PRKG1: variants seen among roughly 807,000 people sequenced by gnomAD.
PRKG1 encodes protein kinase cGMP-dependent 1.
A neutral mutation model predicts 88.1 loss-of-function variants in PRKG1; 35 were observed. The ratio of observed to expected loss-of-function variants is 0.40; its 90% CI spans 0.30 to 0.53. The LOEUF (loss-of-function observed/expected upper bound fraction) is 0.53, where lower values mean the gene tolerates loss of function less well. Ranked by LOEUF, PRKG1 falls within the 20% of genes least tolerant of loss-of-function variation. The probability of loss-of-function intolerance (pLI) is 0.59; values close to 1 mark genes in which losing one functional copy is unlikely to be tolerated. For missense variants in PRKG1, 540 were observed against 839.8 expected, an observed-to-expected ratio of 0.64 and a Z score of 4.41; for synonymous variants, 303 against 292.5, an observed-to-expected ratio of 1.04 and a Z score of -0.37.
At chr10:51,447,598 A>G (rs1839312107) in intron 2 of PRKG1, among the ~76,000 whole-genome samples, 1 of 151,964 alleles carries the variant, frequency 6.6e-6, no homozygotes, top group Non-Finnish European at 1.5e-5. Flanking sequence ...ATTATTCCAC[A>G]ATACATTCAC....
chr10:51,122,579 C>T (rs951147399), intron 1 of PRKG1, among the ~76,000 whole-genome samples: 1 of 152,110 alleles, frequency 6.6e-6, no homozygotes, highest in African/African-American at 2.4e-5. Flanking sequence ...TATAAAAACC[C>T]AATTCATGTA....
chr10:52,288,891 G>A, intron 15 of PRKG1, 40 bp from the exon 16 acceptor site: 1 of 1,593,404 alleles, frequency 6.3e-7, no homozygotes, highest in Non-Finnish European at 8.6e-7. Flanking sequence ...ATCATAATGT[G>A]AAAAAATTAG....
intron 1 of PRKG1, among the ~76,000 whole-genome samples, chr10:51,076,177 G>T (rs958224215): frequency 6.6e-5 from 10 of 152,158 alleles, no homozygotes; most frequent in African/African-American, 2.2e-4. Flanking sequence ...ACCTATACAT[G>T]TTGATTCCCA....
chr10:51,321,077 A>T (rs1051560084), intron 2 of PRKG1, among the ~76,000 whole-genome samples: 2 of 151,414 alleles, frequency 1.3e-5, no homozygotes, highest in Non-Finnish European at 2.9e-5. Context: ...TTAAAAAAAA[A>T]TTTTGTTTAA....
At chr10:52,090,191 G>A (rs1564464567) in intron 7 of PRKG1, among the ~76,000 whole-genome samples, 1 of 151,976 alleles carries the variant, frequency 6.6e-6, no homozygotes, top group East Asian at 1.9e-4. Context: ...TATACCTGGG[G>A]TAGGAAATTA....
chr10:51,601,345 T>C (rs1342675154), intron 3 of PRKG1, among the ~76,000 whole-genome samples: 3 of 152,166 alleles, frequency 2.0e-5, no homozygotes, highest in Admixed American at 2.0e-4. Flanking sequence ...ATGAATATTT[T>C]AGAAAGGCGA....
intron 2 of PRKG1, among the ~76,000 whole-genome samples, chr10:51,370,985 C>A (rs1043339300): frequency 5.3e-5 from 8 of 152,124 alleles, no homozygotes; most frequent in African/African-American, 1.9e-4. Flanking sequence ...GTGTGCCCTA[C>A]ACCCTCTATA....
chr10:51,902,835 G>T (rs939883410), intron 4 of PRKG1, among the ~76,000 whole-genome samples: 11 of 152,114 alleles, frequency 7.2e-5, no homozygotes, highest in Non-Finnish European at 2.9e-5. Flanking sequence ...ATTCTACTGT[G>T]TACATGTGAA....
chr10:52,117,643 T>C (rs867590801), intron 7 of PRKG1, among the ~76,000 whole-genome samples: 2 of 152,114 alleles, frequency 1.3e-5, no homozygotes, highest in African/African-American at 4.8e-5. Context: ...TATTAAAAAA[T>C]AGAATATTTA....
rs191448370 is a variant in PRKG1 at position 51,181,961 on chromosome 10, G to A, written c.478+28631G>A. 2.3e-3 allele frequency among the ~76,000 whole-genome samples: 351 copies of A among 152,272 alleles called. 2 individuals carry two copies. The highest frequency in any genetic ancestry group is 4.2e-3 in the Non-Finnish European group (289 of 68,034). ...TTACTGAAAAACTACTTCTGATGTG[G>A]CAGAGTGCACAGTTGGAACAACATT... On this transcript the variant is annotated intron_variant, in intron 2 of 17. Coordinates refer to ENST00000373980, the MANE Select transcript of PRKG1 (RefSeq NM_006258.4).
chr10:51,849,010 G>A (rs192000849), intron 4 of PRKG1, among the ~76,000 whole-genome samples: 2 of 152,098 alleles, frequency 1.3e-5, no homozygotes, highest in African/African-American at 4.8e-5. Flanking sequence ...CATAGTTTAG[G>A]TCCTGTATTT....
intron 3 of PRKG1, among the ~76,000 whole-genome samples, chr10:51,500,316 C>T (rs1457303943): frequency 1.3e-5 from 2 of 152,100 alleles, no homozygotes; most frequent in African/African-American, 4.8e-5. Flanking sequence ...TAAATAGTGC[C>T]ATAGAATAAT....
chr10:51,499,781 A>T (rs1564524084), intron 3 of PRKG1, among the ~76,000 whole-genome samples: 2 of 152,260 alleles, frequency 1.3e-5, no homozygotes, highest in East Asian at 3.9e-4. Flanking sequence ...TCTACAAAAA[A>T]TTTAAAACTA....
intron 2 of PRKG1, among the ~76,000 whole-genome samples, chr10:51,312,585 A>G (rs1334341099): frequency 6.6e-6 from 1 of 152,190 alleles, no homozygotes; most frequent in Non-Finnish European, 1.5e-5. Context: ...AAAGGATGAT[A>G]GAAACAGCTG....
intron 3 of PRKG1, among the ~76,000 whole-genome samples, chr10:51,736,218 T>C (rs1352422535): frequency 6.6e-6 from 1 of 151,952 alleles, no homozygotes; most frequent in Non-Finnish European, 1.5e-5. Flanking sequence ...GTTTCAAAAG[T>C]TCTCAAGTGG....
At chr10:51,781,454 T>C (rs926978458) in intron 3 of PRKG1, among the ~76,000 whole-genome samples, 2 of 152,160 alleles carry the variant, frequency 1.3e-5, no homozygotes, top group Non-Finnish European at 2.9e-5. Context: ...GATTACCTTT[T>C]TATAAAATGT....
chr10:51,501,374 T>G (rs913113011), intron 3 of PRKG1, among the ~76,000 whole-genome samples: 4 of 152,146 alleles, frequency 2.6e-5, no homozygotes, highest in African/African-American at 9.7e-5. Context: ...AGATCATAAT[T>G]TCGAAGTTCA....
intron 1 of PRKG1, among the ~76,000 whole-genome samples, chr10:51,041,099 C>T (rs556444386): frequency 1.1e-4 from 16 of 152,154 alleles, no homozygotes; most frequent in African/African-American, 3.4e-4. Flanking sequence ...CCTGTGGCCA[C>T]CACCACCCCA....
At chr10:51,241,342 A>C (rs999918240) in intron 2 of PRKG1, among the ~76,000 whole-genome samples, 18 of 152,280 alleles carry the variant, frequency 1.2e-4, no homozygotes, top group African/African-American at 4.3e-4. Context: ...CCTTTAGCTA[A>C]TTGCTTCTCT....
Sources: allele counts gnomAD v4.1 joint callset (sites outside exome capture counted in the v4.1 genomes callset), GRCh38; gene constraint gnomAD v4.1.1; transcripts MANE v1.5; gene names NCBI Gene and HGNC (gene_info 2026-07-23, HGNC 2026-07-21).